Variants in HOMER1 observed in about 807,000 individuals in gnomAD.
HOMER1 encodes the protein homer scaffold protein 1, also known as homer protein homolog 1.
A neutral mutation model predicts 48.9 loss-of-function variants in HOMER1; 3 were observed. That is an observed-to-expected ratio of 0.06 (90% CI 0.03 to 0.16). The LOEUF (loss-of-function observed/expected upper bound fraction) is 0.16. Ranked by LOEUF, HOMER1 falls within the 10% of genes least tolerant of loss-of-function variation. The probability of loss-of-function intolerance (pLI) is 1.00; values close to 1 mark genes in which losing one functional copy is unlikely to be tolerated. For synonymous variants in HOMER1, 134 were observed against 146.4 expected, an observed-to-expected ratio of 0.92 and a Z score of 0.61; for missense variants, 247 against 411.4, an observed-to-expected ratio of 0.60 and a Z score of 3.46.
intron 8 of HOMER1, among the ~76,000 whole-genome samples, chr5:79,391,198 C>T (rs1277611034): frequency 6.7e-6 from 1 of 148,976 alleles, no homozygotes; most frequent in Non-Finnish European, 1.5e-5. Flanking sequence ...AGTGCCATGG[C>T]ACAATCACGG....
intron 1 of HOMER1, among the ~76,000 whole-genome samples, chr5:79,478,486 C>T (rs1473210943): frequency 1.3e-5 from 2 of 149,472 alleles, no homozygotes; most frequent in South Asian, 2.1e-4. Context: ...CTCAGGAGTT[C>T]GAGACCAGCC....
intron 1 of HOMER1, among the ~76,000 whole-genome samples, chr5:79,502,406 C>A (rs1752621757): frequency 6.6e-6 from 1 of 151,986 alleles, no homozygotes; most frequent in South Asian, 2.1e-4. Flanking sequence ...AATACCCTCA[C>A]CCTTAAAACC....
intron 5 of HOMER1, among the ~76,000 whole-genome samples, chr5:79,403,849 A>G (rs1208789235): frequency 3.3e-5 from 5 of 152,242 alleles, no homozygotes; most frequent in Admixed American, 3.3e-4. Context: ...AAATATTCCT[A>G]AAGTTTACTA....
rs534127447 is a variant in HOMER1 at position 79,375,261 on chromosome 5, C to T, written c.*748G>A. The stretch of plus-strand genomic sequence containing the variant: ...AATTTCTGAGGGACTCAGCTGCCTT[C>T]GTTAGTTGGCTTTAAAATGTGTAAT... On this transcript the variant is annotated 3_prime_UTR_variant, in exon 9 of 9. Transcript: ENST00000334082. 4 of 152,096 alleles carry T rather than the reference C, an allele frequency of 2.6e-5. No individual in the cohort carries two copies. The highest frequency in any genetic ancestry group is 4.4e-5 in the Non-Finnish European group (3 of 67,898). 9.4% of individuals were successfully genotyped at this position (152,096 alleles called of 1,614,324 possible).
At chr5:79,425,397 CAG>C (rs1230594466) in intron 5 of HOMER1, among the ~76,000 whole-genome samples, 4 of 151,712 alleles carry the variant, frequency 2.6e-5, no homozygotes, top group East Asian at 1.9e-4. Context: ...AAAGTGGTAA[CAG>C]GGGAAAGGGA....
chr5:79,434,152 A>C (rs1438291438), intron 5 of HOMER1, among the ~76,000 whole-genome samples: 1 of 152,122 alleles, frequency 6.6e-6, no homozygotes, highest in Non-Finnish European at 1.5e-5. Context: ...TCTTTTCTGA[A>C]CTCTCGAAAA....
intron 1 of HOMER1, among the ~76,000 whole-genome samples, chr5:79,488,988 T>A (rs1412860118): frequency 6.6e-6 from 1 of 152,186 alleles, no homozygotes; most frequent in Admixed American, 6.5e-5. Flanking sequence ...CAAAATATAA[T>A]CTCTATGAGA....
chr5:79,510,545 A>C, intron 1 of HOMER1: 1 of 748,222 alleles, frequency 1.3e-6, no homozygotes, highest in South Asian at 1.4e-5. Context: ...GGTGGACCCC[A>C]AGTTCCTGAG....
chr5:79,420,449 A>G (rs180849547), intron 5 of HOMER1, among the ~76,000 whole-genome samples: 1 of 152,312 alleles, frequency 6.6e-6, no homozygotes, highest in Non-Finnish European at 1.5e-5. Flanking sequence ...GTATGACTCC[A>G]CAAGGAGCCT....
intron 1 of HOMER1, among the ~76,000 whole-genome samples, chr5:79,465,171 T>C (rs1332760212): frequency 6.6e-6 from 1 of 152,060 alleles, no homozygotes; most frequent in East Asian, 1.9e-4. Context: ...CTCGCCTCCA[T>C]AAAAAATTTA....
chr5:79,479,814 TTA>T (rs1048986240), intron 1 of HOMER1, among the ~76,000 whole-genome samples: 3 of 130,344 alleles, frequency 2.3e-5, no homozygotes, highest in Admixed American at 1.5e-4. Context: ...CTAAATTCTA[TTA>T]TATGTGTTTT....
chr5:79,372,881 CCTTTT>C lies in HOMER1; in HGVS notation c.*3123_*3127del, dbSNP rs1161523849. The C allele has an allele frequency of 6.6e-6, 1 of 151,966 alleles. No homozygotes were observed. The highest frequency in any genetic ancestry group is 1.5e-5 in the Non-Finnish European group (1 of 67,954). 9.4% of individuals were successfully genotyped at this position (151,966 alleles called of 1,614,324 possible). On this transcript the variant is annotated 3_prime_UTR_variant, in exon 9 of 9. Coordinates refer to ENST00000334082, the MANE Select transcript of HOMER1 (RefSeq NM_004272.5). Reference sequence around the variant, plus strand: ...TGGTGTTGGCTTAATTTTGAGTGTTCCTTTTATTTCCACCTGAAAAAAAAAGTGAG... The same window carrying C: ...TGGTGTTGGCTTAATTTTGAGTGTTCATTTCCACCTGAAAAAAAAAGTGAG...
chr5:79,497,631 C>G (rs529143430), intron 1 of HOMER1, among the ~76,000 whole-genome samples: 1 of 149,456 alleles, frequency 6.7e-6, no homozygotes, highest in South Asian at 2.1e-4. Context: ...TGTACTGCAG[C>G]CCAGGAGACA....
intron 8 of HOMER1, among the ~76,000 whole-genome samples, chr5:79,393,880 C>G (rs1424998215): frequency 6.6e-6 from 1 of 151,864 alleles, no homozygotes; most frequent in African/African-American, 2.4e-5. Context: ...TGTATACAAA[C>G]AAAAAATGGT....
At chr5:79,409,966 C>T (rs1749771529) in intron 5 of HOMER1, among the ~76,000 whole-genome samples, 2 of 152,080 alleles carry the variant, frequency 1.3e-5, no homozygotes, top group South Asian at 4.1e-4. Flanking sequence ...ATGGCTGTTC[C>T]TCAAAAATTT....
intron 8 of HOMER1, among the ~76,000 whole-genome samples, chr5:79,395,734 G>A (rs1749366729): frequency 6.6e-6 from 1 of 152,116 alleles, no homozygotes; most frequent in Non-Finnish European, 1.5e-5. Context: ...TCAAAGATTT[G>A]GATTTTAAAA....
At chr5:79,484,434 G>A (rs1471754765) in intron 1 of HOMER1, among the ~76,000 whole-genome samples, 2 of 151,978 alleles carry the variant, frequency 1.3e-5, no homozygotes, top group African/African-American at 2.4e-5. Context: ...ACAATTAAAA[G>A]GCAGAGATTA....
At chr5:79,425,357 A>C (rs1172499772) in intron 5 of HOMER1, among the ~76,000 whole-genome samples, 1 of 151,256 alleles carries the variant, frequency 6.6e-6, no homozygotes, top group Non-Finnish European at 1.5e-5. Flanking sequence ...TTCCATAAAA[A>C]GGCAAAATGT....
intron 1 of HOMER1, among the ~76,000 whole-genome samples, chr5:79,460,929 T>C (rs1751302485): frequency 6.6e-6 from 1 of 152,126 alleles, no homozygotes; most frequent in Non-Finnish European, 1.5e-5. Flanking sequence ...CTAGCAAGGA[T>C]GGGCCACAGA....
Sources: allele counts gnomAD v4.1 joint callset (sites outside exome capture counted in the v4.1 genomes callset), GRCh38; gene constraint gnomAD v4.1.1; transcripts MANE v1.5; gene names NCBI Gene and HGNC (gene_info 2026-07-23, HGNC 2026-07-21).